The following ASTN2 variants were observed in gnomAD, a reference collection of about 807,000 sequenced individuals.
ASTN2 encodes astrotactin-2.
ASTN2 carries 54 observed loss-of-function variants against 139.8 expected under a neutral mutation model. That is an observed-to-expected ratio of 0.39 (90% confidence interval 0.31 to 0.48). ASTN2 has a LOEUF of 0.48. ASTN2 is among the 20% of genes least tolerant of loss of function. The pLI is 0.95. For missense variants in ASTN2, 1,565 were observed against 1,725.1 expected, an observed-to-expected ratio of 0.91 and a Z score of 1.64; for synonymous variants, 756 against 719.5, an observed-to-expected ratio of 1.05 and a Z score of -0.81.
chr9:116,786,857 C>A lies in ASTN2; in HGVS notation c.2396+18775G>T, dbSNP rs138085561. Among the ~76,000 whole-genome samples the A allele has an allele frequency of 1.8e-3, 274 of 152,156 alleles. 1 individual carries two copies. The highest frequency in any genetic ancestry group is 6.0e-3 in the African/African-American group (247 of 41,498). On this transcript the variant is annotated intron_variant, in intron 13 of 22. Transcript: ENST00000313400. ...ATTGAGTCATGGGTCCTGGGAGAGA[C>A]CAGGTGAAGATAATTGAGTCATGGG...
At chr9:117,359,474 T>C (rs935119726) in intron 1 of ASTN2, among the ~76,000 whole-genome samples, 1 of 152,254 alleles carries the variant, frequency 6.6e-6, no homozygotes, top group African/African-American at 2.4e-5. Flanking sequence ...AAGGCTTTAG[T>C]CATTCTACTA....
chr9:116,746,346 A>G (rs887624394), intron 13 of ASTN2, among the ~76,000 whole-genome samples: 1 of 151,726 alleles, frequency 6.6e-6, no homozygotes, highest in Non-Finnish European at 1.5e-5. Context: ...TCAGCCTCCT[A>G]AAATGTTGGG....
At chr9:116,617,668 A>C (rs1855921774) in intron 19 of ASTN2, among the ~76,000 whole-genome samples, 1 of 152,218 alleles carries the variant, frequency 6.6e-6, no homozygotes, top group Non-Finnish European at 1.5e-5. Context: ...ACACAAAAAA[A>C]CAGATGTCTA....
In ASTN2 at chr9:116,820,615, A is replaced by T; in HGVS notation, c.2207+2T>A. On this transcript the variant is annotated splice_donor_variant, in intron 12 of 22. Coordinates refer to ENST00000313400, the MANE Select transcript of ASTN2 (RefSeq NM_001365068.1). LOFTEE classifies it high-confidence loss of function. Reference sequence around the variant, plus strand: ...ACCTGGGCCTTGGGGACAGAGACTCACCCGCAGAACATGAAGATGGTGCTC... The same window carrying T: ...ACCTGGGCCTTGGGGACAGAGACTCTCCCGCAGAACATGAAGATGGTGCTC... 1 of 1,613,046 alleles carries T rather than the reference A, an allele frequency of 6.2e-7. No individual in the cohort carries two copies. Among genetic ancestry groups the T allele is most frequent in the Non-Finnish European group, 8.5e-7 (1 of 1,179,358 alleles).
At chr9:116,510,452 G>GT (rs925443970) in intron 19 of ASTN2, among the ~76,000 whole-genome samples, 8 of 152,014 alleles carry the variant, frequency 5.3e-5, no homozygotes, top group African/African-American at 1.4e-4. Context: ...CTCCAGCTTT[G>GT]TTTTTTTGCT....
intron 19 of ASTN2, among the ~76,000 whole-genome samples, chr9:116,511,247 T>G (rs537406501): frequency 6.6e-6 from 1 of 152,362 alleles, no homozygotes; most frequent in South Asian, 2.1e-4. Context: ...CTTTTCTGCA[T>G]CTATTGAGAT....
intron 16 of ASTN2, among the ~76,000 whole-genome samples, chr9:116,663,224 G>T (rs1858664962): frequency 6.6e-6 from 1 of 152,144 alleles, no homozygotes; most frequent in South Asian, 2.1e-4. Context: ...TTTAGATAAA[G>T]ACTCCCAGAT....
intron 19 of ASTN2, among the ~76,000 whole-genome samples, chr9:116,509,738 T>A (rs1850283093): frequency 1.3e-5 from 2 of 152,214 alleles, no homozygotes; most frequent in African/African-American, 4.8e-5. Context: ...GTGGTTTTGA[T>A]TTGCATTTCT....
At chr9:116,630,513 G>A (rs1856693949) in intron 17 of ASTN2, among the ~76,000 whole-genome samples, 1 of 152,050 alleles carries the variant, frequency 6.6e-6, no homozygotes, top group Non-Finnish European at 1.5e-5. Context: ...AATACTAAGG[G>A]CAGGTAGCAC....
chr9:116,808,676 C>T (rs1232069481), intron 12 of ASTN2, among the ~76,000 whole-genome samples: 1 of 152,098 alleles, frequency 6.6e-6, no homozygotes, highest in Non-Finnish European at 1.5e-5. Flanking sequence ...TTCTATAAAA[C>T]AGATACTCAG....
At chr9:117,059,259 T>G (rs894931009) in intron 5 of ASTN2, among the ~76,000 whole-genome samples, 7 of 152,148 alleles carry the variant, frequency 4.6e-5, no homozygotes, top group Non-Finnish European at 8.8e-5. Flanking sequence ...GTATCCAAAC[T>G]TTACTCCCAG....
At chr9:117,065,767 C>T (rs1023043234) in intron 5 of ASTN2, among the ~76,000 whole-genome samples, 2 of 152,136 alleles carry the variant, frequency 1.3e-5, no homozygotes, top group African/African-American at 2.4e-5. Context: ...TCAACCTTTC[C>T]TTTCCCCTAA....
rs1313692197 is a variant in ASTN2 at position 117,060,464 on chromosome 9, G to A, written c.1277-20499C>T. Among the ~76,000 whole-genome samples the A allele has an allele frequency of 1.6e-3, 75 of 48,266 alleles. 6 individuals carry two copies. Among genetic ancestry groups the A allele is most frequent in the Middle Eastern group, 6.4e-3 (1 of 156 alleles). The allele number at this position is 48,266 out of a possible 152,430, so 31.7% of individuals were successfully genotyped here. A position where few individuals can be genotyped will look rare whatever the true frequency, so the allele number is the denominator to read the frequency against. On this transcript the variant is annotated intron_variant, in intron 5 of 22. Transcript: ENST00000313400. ...AGAGAGAAAGAAAGAAAGAAAGGAA[G>A]GAAGGAAGGAAGGAAGGAAGGAATG...
chr9:116,866,892 C>CAAAA (rs57448374), intron 10 of ASTN2, among the ~76,000 whole-genome samples: 6 of 90,682 alleles, frequency 6.6e-5, no homozygotes, highest in African/African-American at 2.1e-4. Flanking sequence ...GACTCCGTCT[C>CAAAA]AAAAAAAAAA....
chr9:117,414,475 G>T lies in ASTN2; in HGVS notation c.442+22C>A. 6.2e-7 allele frequency: 1 copy of T among 1,606,390 alleles called. No homozygotes were observed. Among genetic ancestry groups the T allele is most frequent in the Non-Finnish European group, 8.5e-7 (1 of 1,176,854 alleles). On this transcript the variant is annotated intron_variant, in intron 1 of 22. Coordinates refer to ENST00000313400, the MANE Select transcript of ASTN2 (RefSeq NM_001365068.1). This position sits in a 1 kb window ranked among gnomAD's most constrained non-coding sequence, Gnocchi z 4.2. The stretch of plus-strand genomic sequence containing the variant: ...GGCTCGGGGTTCCTTGGGATCTAGC[G>T]CGTGCCGGCGCCCAGCCTTACCCAG...
rs185153473 is a variant in ASTN2 at position 116,748,788 on chromosome 9, C to T, written c.2397-15265G>A. 7.4e-4 allele frequency among the ~76,000 whole-genome samples: 113 copies of T among 152,214 alleles called. 2 individuals carry two copies. The highest frequency in any genetic ancestry group is 5.3e-4 in the African/African-American group (22 of 41,552). On this transcript the variant is annotated intron_variant, in intron 13 of 22. Coordinates refer to ENST00000313400, the MANE Select transcript of ASTN2 (RefSeq NM_001365068.1). Reference sequence around the variant, plus strand: ...AGGGAGCCAGGATGTCCAAGTTTTACGAAGCTGTGCCAATAACTTGCTGTG... The same window carrying T: ...AGGGAGCCAGGATGTCCAAGTTTTATGAAGCTGTGCCAATAACTTGCTGTG...
chr9:116,954,658 A>C (rs2225362), intron 10 of ASTN2, among the ~76,000 whole-genome samples: 1 of 151,746 alleles, frequency 6.6e-6, no homozygotes, highest in Non-Finnish European at 1.5e-5. Flanking sequence ...ATAAAACTTT[A>C]TTTATTAAAA....
intron 20 of ASTN2, among the ~76,000 whole-genome samples, chr9:116,446,207 G>T (rs1410791430): frequency 6.6e-6 from 1 of 151,186 alleles, no homozygotes; most frequent in African/African-American, 2.4e-5. Context: ...GAGTGAAAGA[G>T]GGAGAGCCAG....
chr9:117,156,685 C>T (rs533858151), intron 3 of ASTN2, among the ~76,000 whole-genome samples: 2 of 152,094 alleles, frequency 1.3e-5, no homozygotes, highest in African/African-American at 4.8e-5. Context: ...AGTGACATCA[C>T]TTTGCAAAAA....
Sources: allele counts gnomAD v4.1 joint callset (sites outside exome capture counted in the v4.1 genomes callset), GRCh38; gene constraint gnomAD v4.1.1; non-coding constraint Gnocchi (gnomAD v3.1); transcripts MANE v1.5; gene names NCBI Gene and HGNC (gene_info 2026-07-23, HGNC 2026-07-21).